The following CSMD1 variants were observed in gnomAD, a reference collection of about 807,000 sequenced individuals.
CSMD1 encodes CUB and Sushi multiple domains 1, also known as CUB and sushi domain-containing protein 1.
In CSMD1, 213 loss-of-function variants were observed where a neutral mutation model predicts 417.5. The observed-to-expected ratio is 0.51, with a 90% confidence interval of 0.46 to 0.57. The LOEUF (loss-of-function observed/expected upper bound fraction) is 0.57. Ranked by LOEUF, CSMD1 falls within the 20% of genes least tolerant of loss-of-function variation. The pLI is 0.00. For missense variants in CSMD1, 6,923 were observed against 4,529.7 expected (o/e 1.53, Z -15.17); for synonymous variants, 2,862 against 1,736.8 (o/e 1.65, Z -16.11).
intron 49 of CSMD1, among the ~76,000 whole-genome samples, chr8:3,060,343 A>G (rs1284929856): frequency 6.6e-6 from 1 of 151,880 alleles, no homozygotes; most frequent in Non-Finnish European, 1.5e-5. Flanking sequence ...ACAGGGTTTC[A>G]CCATGTTGGC....
intron 3 of CSMD1, among the ~76,000 whole-genome samples, chr8:4,241,016 G>A (rs1275090979): frequency 6.6e-6 from 1 of 152,090 alleles, no homozygotes; most frequent in Non-Finnish European, 1.5e-5. Context: ...AAACCCATCT[G>A]ACTGACTAGT....
chr8:4,912,902 C>T (rs748272437), intron 1 of CSMD1, among the ~76,000 whole-genome samples: 1 of 152,110 alleles, frequency 6.6e-6, no homozygotes, highest in Non-Finnish European at 1.5e-5. Context: ...TCTACTGCCT[C>T]AGCTTCCCAA....
chr8:4,215,186 A>T (rs1441529116), intron 3 of CSMD1, among the ~76,000 whole-genome samples: 1 of 152,204 alleles, frequency 6.6e-6, no homozygotes, highest in Non-Finnish European at 1.5e-5. Context: ...CCTTGTGTCC[A>T]CGGCATAAAG....
intron 10 of CSMD1, among the ~76,000 whole-genome samples, chr8:3,523,134 G>C (rs2117462087): frequency 6.6e-6 from 1 of 151,886 alleles, no homozygotes; most frequent in South Asian, 2.1e-4. Context: ...TAAACACGTA[G>C]AAAATTGTCC....
At chr8:3,686,281 G>T (rs564737535) in intron 7 of CSMD1, among the ~76,000 whole-genome samples, 1 of 152,184 alleles carries the variant, frequency 6.6e-6, no homozygotes, top group Non-Finnish European at 1.5e-5. Context: ...GAAAGGCAGT[G>T]TCAAGAGACG....
intron 1 of CSMD1, among the ~76,000 whole-genome samples, chr8:4,792,482 T>C (rs1017964011): frequency 1.3e-5 from 2 of 152,318 alleles, no homozygotes; most frequent in South Asian, 4.1e-4. Context: ...TTCTTCATTT[T>C]CTATTCCCGT....
chr8:4,236,834 G>C (rs544728107), intron 3 of CSMD1, among the ~76,000 whole-genome samples: 2 of 152,080 alleles, frequency 1.3e-5, no homozygotes, highest in African/African-American at 4.8e-5. Context: ...TCCAAATATA[G>C]AAGTCACTGA....
chr8:4,504,402 A>G (rs964309471), intron 2 of CSMD1, among the ~76,000 whole-genome samples: 2 of 152,230 alleles, frequency 1.3e-5, no homozygotes, highest in African/African-American at 4.8e-5. Context: ...TCCGATGAAC[A>G]ACATTGTGCC....
rs778990485 is a variant in CSMD1, at chr8:3,212,932, G to A, written c.4867+1565C>T. On this transcript the variant is annotated intron_variant, in intron 30 of 69. Coordinates refer to ENST00000635120, the MANE Select transcript of CSMD1 (RefSeq NM_033225.6). ...CAACCTCTGCCTCCCGGGTTCAAGC[G>A]ATTCTCCTGCCTCAGCCTCCCAAGT... Among the ~76,000 whole-genome samples the A allele has an allele frequency of 6.0e-5, 9 of 150,462 alleles. No individual in the cohort carries two copies. In the East Asian group the frequency reaches 1.4e-3, roughly 23 times the overall value.
rs184864989 is a variant in CSMD1, at chr8:4,694,792, C to T, written c.86-57234G>A. Among the ~76,000 whole-genome samples the T allele has an allele frequency of 2.8e-3, 432 of 152,248 alleles. 2 individuals carry two copies. Among genetic ancestry groups the T allele is most frequent in the Admixed American group, 8.1e-3 (124 of 15,298 alleles). On this transcript the variant is annotated intron_variant, in intron 1 of 69. Coordinates refer to ENST00000635120, the MANE Select transcript of CSMD1 (RefSeq NM_033225.6). Reference sequence around the variant, plus strand: ...AGGCTGTGTCACGGGACTGCGCGTCCTTAACCTTGGCAAAATAAACTTTCT... The same window carrying T: ...AGGCTGTGTCACGGGACTGCGCGTCTTTAACCTTGGCAAAATAAACTTTCT...
intron 6 of CSMD1, among the ~76,000 whole-genome samples, chr8:3,728,171 C>A (rs1200327412): frequency 6.6e-6 from 1 of 152,124 alleles, no homozygotes; most frequent in Non-Finnish European, 1.5e-5. Context: ...GTGCTGTTGC[C>A]CCCATACTGT....
intron 5 of CSMD1, among the ~76,000 whole-genome samples, chr8:3,814,158 C>A (rs1446548455): frequency 1.3e-5 from 2 of 152,160 alleles, no homozygotes; most frequent in Non-Finnish European, 2.9e-5. Context: ...TCTGGTACCC[C>A]CAGCGTGGAA....
chr8:3,203,797 G>A (rs1021213490), intron 31 of CSMD1, among the ~76,000 whole-genome samples: 1 of 152,186 alleles, frequency 6.6e-6, no homozygotes, highest in Non-Finnish European at 1.5e-5. Context: ...TGAGAATAGA[G>A]GAAACTGGGT....
chr8:4,752,506 A>G (rs1382302420), intron 1 of CSMD1, among the ~76,000 whole-genome samples: 1 of 152,194 alleles, frequency 6.6e-6, no homozygotes, highest in South Asian at 2.1e-4. Context: ...TATAAGGGCT[A>G]AAACGTGAAT....
chr8:4,149,129 A>C (rs970794895), intron 3 of CSMD1, among the ~76,000 whole-genome samples: 3 of 151,980 alleles, frequency 2.0e-5, no homozygotes, highest in Non-Finnish European at 4.4e-5. Flanking sequence ...ACACCCAGCT[A>C]ATTTTTCTAT....
chr8:3,907,449 T>C (rs959809909), intron 5 of CSMD1, among the ~76,000 whole-genome samples: 1 of 152,180 alleles, frequency 6.6e-6, no homozygotes, highest in Non-Finnish European at 1.5e-5. Context: ...AGCAAAGCTG[T>C]CGAGGTACAC....
intron 10 of CSMD1, among the ~76,000 whole-genome samples, chr8:3,533,958 C>A (rs948337898): frequency 2.0e-5 from 3 of 152,160 alleles, no homozygotes; most frequent in Non-Finnish European, 2.9e-5. Flanking sequence ...GATAAGAGGG[C>A]ACATGAAACA....
At chr8:4,196,515 C>G (rs760083048) in intron 3 of CSMD1, among the ~76,000 whole-genome samples, 2 of 152,158 alleles carry the variant, frequency 1.3e-5, no homozygotes, top group East Asian at 1.9e-4. Context: ...ATGGGGCCCA[C>G]ATTCCCATTT....
At chr8:3,921,406 A>G (rs1047642765) in intron 5 of CSMD1, among the ~76,000 whole-genome samples, 1 of 151,898 alleles carries the variant, frequency 6.6e-6, no homozygotes, top group African/African-American at 2.4e-5. Flanking sequence ...TTTATTATCT[A>G]ACTTGTATTA....
Sources: allele counts gnomAD v4.1 joint callset (sites outside exome capture counted in the v4.1 genomes callset), GRCh38; gene constraint gnomAD v4.1.1; transcripts MANE v1.5; gene names NCBI Gene and HGNC (gene_info 2026-07-23, HGNC 2026-07-21).